The following CRTAC1 variants were observed in gnomAD, a reference collection of about 807,000 sequenced individuals.
CRTAC1 encodes cartilage acidic protein 1, also known as acidic secreted protein in cartilage.
Under a neutral mutation model 67.8 loss-of-function variants are expected in CRTAC1, and 37 were observed. The ratio of observed to expected loss-of-function variants is 0.55; its 90% CI spans 0.42 to 0.72. CRTAC1 has a LOEUF of 0.72. CRTAC1 is among the 30% of genes least tolerant of loss of function. The pLI, the probability that CRTAC1 is intolerant of heterozygous loss-of-function variation, is 0.00. For missense variants in CRTAC1, 780 were observed against 931.6 expected, an observed-to-expected ratio of 0.84 and a Z score of 2.12; for synonymous variants, 348 against 371.0, an observed-to-expected ratio of 0.94 and a Z score of 0.71.
At chr10:97,915,564 C>T (rs576761853) in intron 5 of CRTAC1, among the ~76,000 whole-genome samples, 48 of 152,296 alleles carry the variant, frequency 3.2e-4, no homozygotes, top group African/African-American at 1.1e-3. Context: ...CGCCCAAAGC[C>T]TCAGCCATCA....
chr10:97,919,969 G>A (rs2050814763), intron 4 of CRTAC1, among the ~76,000 whole-genome samples: 2 of 151,734 alleles, frequency 1.3e-5, no homozygotes, highest in African/African-American at 2.4e-5. Flanking sequence ...GGCTGGTCTT[G>A]AACTCCTGGT....
chr10:97,983,235 G>A (rs2051925908), intron 2 of CRTAC1, among the ~76,000 whole-genome samples: 2 of 152,122 alleles, frequency 1.3e-5, no homozygotes, highest in Admixed American at 1.3e-4. Flanking sequence ...GAATGCCCTG[G>A]AATGCCCTTA....
intron 8 of CRTAC1, 123 bp downstream of exon 8, chr10:97,901,380 T>A: frequency 8.6e-7 from 1 of 1,156,892 alleles, no homozygotes; most frequent in Non-Finnish European, 1.2e-6. Context: ...GGACCTGTGT[T>A]GACCTTGGCC....
intron 2 of CRTAC1, among the ~76,000 whole-genome samples, chr10:98,007,472 C>T (rs954147040): frequency 6.6e-6 from 1 of 152,216 alleles, no homozygotes; most frequent in African/African-American, 2.4e-5. Flanking sequence ...GCTGAGAATT[C>T]GCAATGCTTC....
At chr10:97,925,960 A>G (rs1413189715) in intron 3 of CRTAC1, among the ~76,000 whole-genome samples, 1 of 152,058 alleles carries the variant, frequency 6.6e-6, no homozygotes, top group Non-Finnish European at 1.5e-5. Flanking sequence ...AGACCACAGG[A>G]CCCACAGGAG....
chr10:97,904,347 G>A (rs2050580349), intron 7 of CRTAC1, among the ~76,000 whole-genome samples: 2 of 152,226 alleles, frequency 1.3e-5, no homozygotes, highest in Admixed American at 1.3e-4. Flanking sequence ...CAGCTCCATG[G>A]CATGCCGGGG....
chr10:97,884,553 G>A (rs1218857385), intron 11 of CRTAC1: 2 of 594,372 alleles, frequency 3.4e-6, no homozygotes. Context: ...TGTCTGCAAG[G>A]ACAGAAATGT....
intron 2 of CRTAC1, among the ~76,000 whole-genome samples, chr10:97,992,667 A>G (rs1842483908): frequency 6.6e-6 from 1 of 152,260 alleles, no homozygotes. Context: ...GGAAGACATT[A>G]TGCTAAGTGA....
intron 2 of CRTAC1, among the ~76,000 whole-genome samples, chr10:97,947,428 T>A (rs1341075666): frequency 6.6e-6 from 1 of 152,240 alleles, no homozygotes; most frequent in Non-Finnish European, 1.5e-5. Flanking sequence ...AAGAGACATA[T>A]GGGTCAGGCA....
intron 2 of CRTAC1, among the ~76,000 whole-genome samples, chr10:97,938,375 T>C (rs1312789257): frequency 6.6e-6 from 1 of 152,182 alleles, no homozygotes; most frequent in East Asian, 1.9e-4. Flanking sequence ...ATGGCTGTAT[T>C]TGTGGAGTGC....
At chr10:97,877,287 T>C (rs2050158825) in intron 14 of CRTAC1, among the ~76,000 whole-genome samples, 1 of 152,232 alleles carries the variant, frequency 6.6e-6, no homozygotes, top group Non-Finnish European at 1.5e-5. Context: ...TTGGCTCCTC[T>C]ATCTGGCTGG....
At chr10:97,925,306 T>C (rs1249203560) in intron 3 of CRTAC1, among the ~76,000 whole-genome samples, 2 of 151,952 alleles carry the variant, frequency 1.3e-5, no homozygotes, top group East Asian at 3.9e-4. Context: ...TGAAAGCAAG[T>C]GCGTGAGAAA....
chr10:97,960,816 C>T (rs2051513359), intron 2 of CRTAC1, among the ~76,000 whole-genome samples: 1 of 152,192 alleles, frequency 6.6e-6, no homozygotes, highest in Non-Finnish European at 1.5e-5. Context: ...TCTACAGCAT[C>T]CTGCCAATCT....
intron 14 of CRTAC1, among the ~76,000 whole-genome samples, chr10:97,874,784 T>C (rs4919153): frequency 0.69 from 104,922 of 151,962 alleles, 36,153 homozygotes; most frequent in Middle Eastern, 0.75. Flanking sequence ...AAGTCTTTGC[T>C]CAATGCCTCT....
chr10:97,928,705 G>A (rs920265710), intron 3 of CRTAC1, among the ~76,000 whole-genome samples: 1 of 152,176 alleles, frequency 6.6e-6, no homozygotes, highest in African/African-American at 2.4e-5. Context: ...GGAGGCAACT[G>A]AACTGGGACT....
At chr10:97,910,087 C>A (rs2050668394) in intron 5 of CRTAC1, among the ~76,000 whole-genome samples, 2 of 152,138 alleles carry the variant, frequency 1.3e-5, no homozygotes, top group African/African-American at 4.8e-5. Context: ...TCAAAGGATA[C>A]AACACTTCAG....
chr10:97,986,759 AG>A (rs1385257918), intron 2 of CRTAC1, among the ~76,000 whole-genome samples: 1 of 152,204 alleles, frequency 6.6e-6, no homozygotes, highest in Admixed American at 6.5e-5. Flanking sequence ...TTTGGGAACC[AG>A]GGGCAGGAAG....
chr10:97,880,695 C>A (rs1471804227), intron 13 of CRTAC1, among the ~76,000 whole-genome samples: 2 of 152,280 alleles, frequency 1.3e-5, no homozygotes, highest in East Asian at 3.9e-4. Context: ...CTCCCCGTGG[C>A]TCCAGACTCA....
intron 2 of CRTAC1, among the ~76,000 whole-genome samples, chr10:97,976,387 G>A (rs2136658589): frequency 6.6e-6 from 1 of 152,308 alleles, no homozygotes; most frequent in Admixed American, 6.5e-5. Flanking sequence ...TTTGGCCTGA[G>A]GCAGGTTTCC....
Sources: allele counts gnomAD v4.1 joint callset (sites outside exome capture counted in the v4.1 genomes callset), GRCh38; gene constraint gnomAD v4.1.1; transcripts MANE v1.5; gene names NCBI Gene and HGNC (gene_info 2026-07-23, HGNC 2026-07-21).